The following CLN8 variants were observed in gnomAD, a reference collection of about 807,000 sequenced individuals.
CLN8 encodes protein CLN8.
CLN8 carries 14 observed loss-of-function variants against 15.7 expected under a neutral mutation model. The observed-to-expected ratio is 0.89, with a 90% CI of 0.59 to 1.39. The LOEUF is 1.39. CLN8 is among the 40% of genes most tolerant of loss of function. CLN8 has a pLI of 0.00. For synonymous variants in CLN8, 188 were observed against 151.0 expected, an observed-to-expected ratio of 1.25 and a Z score of -1.80; for missense variants, 415 against 364.0, an observed-to-expected ratio of 1.14 and a Z score of -1.14.
intron 1 of CLN8, among the ~76,000 whole-genome samples, chr8:1,768,417 C>T (rs1368798411): frequency 6.6e-6 from 1 of 152,180 alleles, no homozygotes; most frequent in African/African-American, 2.4e-5. Flanking sequence ...GGATTTGAGT[C>T]ATTGATCTGG....
At chr8:1,766,468 C>T (rs970514474) in intron 1 of CLN8, among the ~76,000 whole-genome samples, 47 of 149,452 alleles carry the variant, frequency 3.1e-4, no homozygotes, top group Admixed American at 1.7e-3. Flanking sequence ...CAGCTCACTG[C>T]ACGTTCCGCC....
chr8:1,778,649 C>T (rs894209552), intron 2 of CLN8, among the ~76,000 whole-genome samples: 8 of 152,164 alleles, frequency 5.3e-5, no homozygotes, highest in East Asian at 1.9e-4. Flanking sequence ...GCCGCACTGG[C>T]GGTCTCTGAA....
In CLN8 at chr8:1,780,253, G is replaced by C; in HGVS notation, c.547G>C (p.Gly183Arg). 1 of 1,614,250 alleles carries C rather than the reference G, an allele frequency of 6.2e-7. No individual in the cohort carries two copies. The highest frequency in any genetic ancestry group is 8.5e-7 in the Non-Finnish European group (1 of 1,180,052). ...TCVSWMLLKA[G>R]WSESLFWKLN... ...CATTTGTCTTCTCTCCATGCAGGCG[G>C]GCTGGTCCGAGTCTCTGTTTTGGAA... Residue 183 changes from glycine (G) to arginine (R), a missense_variant, in exon 3 of 3, where the codon GGC becomes CGC. Physicochemically the swap from Gly to Arg is moderately radical, Grantham distance 125. Transcript: ENST00000331222.
intron 1 of CLN8, among the ~76,000 whole-genome samples, chr8:1,757,673 C>A (rs949804832): frequency 1.3e-5 from 2 of 152,106 alleles, no homozygotes; most frequent in African/African-American, 4.8e-5. Flanking sequence ...CTCAGGAGAT[C>A]CACCCGCCTC....
rs1344583404 is a variant in CLN8, at chr8:1,781,510, G to C, written c.*943G>C. 1 of 152,164 alleles carries C rather than the reference G, an allele frequency of 6.6e-6. No homozygotes were observed. Among genetic ancestry groups the C allele is most frequent in the South Asian group, 2.1e-4 (1 of 4,814 alleles). 9.4% of individuals were successfully genotyped at this position (152,164 alleles called of 1,614,324 possible). A position where few individuals can be genotyped will look rare whatever the true frequency, so the allele number is the denominator to read the frequency against. ...TTTAACCCCCACCAACCAGAGCGTG[G>C]GCTGGTAAAGATGAAATCTTGCAAG... On this transcript the variant is annotated 3_prime_UTR_variant, in exon 3 of 3. Transcript: ENST00000331222.
chr8:1,754,156 C>G (rs1563095050), upstream of CLN8, among the ~76,000 whole-genome samples: 1 of 152,204 alleles, frequency 6.6e-6, no homozygotes, highest in Admixed American at 6.5e-5. Flanking sequence ...ACATAGCCCT[C>G]TCCAGCACAC....
intron 2 of CLN8, among the ~76,000 whole-genome samples, chr8:1,777,898 T>C (rs1434678223): frequency 6.6e-6 from 1 of 152,210 alleles, no homozygotes; most frequent in Non-Finnish European, 1.5e-5. Context: ...TATAGTAAAA[T>C]AGTAAATGAT....
intron 1 of CLN8, among the ~76,000 whole-genome samples, chr8:1,757,364 C>T (rs1160951977): frequency 6.6e-6 from 1 of 152,240 alleles, no homozygotes; most frequent in African/African-American, 2.4e-5. Context: ...GCGTAGAGGA[C>T]AGTGTGCTAT....
At chr8:1,759,158 T>C (rs574124810), upstream of CLN8, 1 of 152,310 alleles carries the variant, frequency 6.6e-6, no homozygotes, top group African/African-American at 2.4e-5. Context: ...TGTGCCTGGA[T>C]TTCAACGGAA....
At chr8:1,757,104 G>A (rs753758126) in intron 1 of CLN8, among the ~76,000 whole-genome samples, 2 of 152,168 alleles carry the variant, frequency 1.3e-5, no homozygotes, top group Non-Finnish European at 2.9e-5. Context: ...AGTCCACTTC[G>A]AGGCCAGCGT....
At chr8:1,777,152 T>C (rs900374667) in intron 2 of CLN8, among the ~76,000 whole-genome samples, 1 of 152,230 alleles carries the variant, frequency 6.6e-6, no homozygotes, top group African/African-American at 2.4e-5. Flanking sequence ...GCTGCATACC[T>C]GTACAGCATA....
upstream of CLN8, chr8:1,763,736 G>A (rs541147217): frequency 4.2e-4 from 61 of 144,806 alleles, 1 homozygote; most frequent in Non-Finnish European, 7.7e-4. Flanking sequence ...GGGGCAGAAC[G>A]CGTGCGCACG....
At chr8:1,765,928 T>C (rs1054965407) in intron 1 of CLN8, among the ~76,000 whole-genome samples, 4 of 152,210 alleles carry the variant, frequency 2.6e-5, no homozygotes, top group African/African-American at 7.2e-5. Flanking sequence ...ACCTTTTTTT[T>C]CCCTTTTGAC....
chr8:1,767,218 A>T (rs888946099), intron 1 of CLN8, among the ~76,000 whole-genome samples: 4 of 152,212 alleles, frequency 2.6e-5, no homozygotes, highest in Non-Finnish European at 5.9e-5. Flanking sequence ...GCTTACCCAG[A>T]AAGTCAGGAG....
chr8:1,778,426 T>C (rs1801596590), intron 2 of CLN8, among the ~76,000 whole-genome samples: 1 of 152,262 alleles, frequency 6.6e-6, no homozygotes, highest in Non-Finnish European at 1.5e-5. Context: ...TCTGTGGGTT[T>C]CTCCCCTGTC....
chr8:1,774,888 A>G (rs1457349536), intron 2 of CLN8, among the ~76,000 whole-genome samples: 3 of 152,144 alleles, frequency 2.0e-5, no homozygotes, highest in Non-Finnish European at 2.9e-5. Context: ...TTGGGAGGCT[A>G]AGGTGGGAGG....
rs1801784605 is a variant in CLN8, at chr8:1,784,589, CCGAA to C, written c.*4023_*4026del. On this transcript the variant is annotated 3_prime_UTR_variant, in exon 3 of 3. Transcript: ENST00000331222. Reference sequence around the variant, plus strand: ...GGTGAATGTGGTTCTCTTCCCATGTCCGAATTTTGTGAGCTCCACACGGGCAGGG... The same window carrying C: ...GGTGAATGTGGTTCTCTTCCCATGTCTTTTGTGAGCTCCACACGGGCAGGG... 6.6e-6 allele frequency: 1 copy of C among 152,316 alleles called. No individual in the cohort carries two copies. Among genetic ancestry groups the C allele is most frequent in the African/African-American group, 2.4e-5 (1 of 41,448 alleles). The allele number at this position is 152,316 out of a possible 1,614,324, so 9.4% of individuals were successfully genotyped here.
chr8:1,753,173 G>A (rs150063850), upstream of CLN8, among the ~76,000 whole-genome samples: 239 of 152,298 alleles, frequency 1.6e-3, 1 homozygote, highest in African/African-American at 5.3e-3. Flanking sequence ...GGCAAGGTGT[G>A]CAGCTCCTCA....
rs1053450000 is a variant in CLN8, at chr8:1,782,522, G to A, written c.*1955G>A. ...TAGTAACCTATTTATCACATTTTAC[G>A]AAGCAATTTTAATCTTAAACACATC... is the stretch of plus-strand genomic sequence containing the variant. On this transcript the variant is annotated 3_prime_UTR_variant, in exon 3 of 3. Transcript: ENST00000331222. The A allele has an allele frequency of 6.6e-6, 1 of 152,126 alleles. No homozygotes were observed. Among genetic ancestry groups the A allele is most frequent in the Non-Finnish European group, 1.5e-5 (1 of 68,026 alleles). 9.4% of individuals were successfully genotyped at this position (152,126 alleles called of 1,614,324 possible). A position where few individuals can be genotyped will look rare whatever the true frequency, so the allele number is the denominator to read the frequency against.
Sources: allele counts gnomAD v4.1 joint callset (sites outside exome capture counted in the v4.1 genomes callset), GRCh38; gene constraint gnomAD v4.1.1; transcripts MANE v1.5; gene names NCBI Gene and HGNC (gene_info 2026-07-23, HGNC 2026-07-21).